The following EPB41 variants were observed in gnomAD, a reference collection of about 807,000 sequenced individuals.
The protein encoded by EPB41 is protein 4.1.
A neutral mutation model predicts 108.0 loss-of-function variants in EPB41; 65 were observed. That is an observed-to-expected ratio of 0.60 (90% CI 0.49 to 0.74). EPB41 has a LOEUF of 0.74. Ranked by LOEUF, EPB41 falls within the 30% of genes least tolerant of loss-of-function variation. EPB41 has a pLI of 0.00. For synonymous variants in EPB41, 336 were observed against 358.9 expected (o/e 0.94, Z 0.72); for missense variants, 875 against 1,037.0 (o/e 0.84, Z 2.15).
At chr1:28,941,396 A>G (rs1557748602) in intron 1 of EPB41, among the ~76,000 whole-genome samples, 2 of 152,132 alleles carry the variant, frequency 1.3e-5, no homozygotes, top group African/African-American at 2.4e-5. Flanking sequence ...TAAAAAACCA[A>G]TAATGGGGAA....
In EPB41 at chr1:28,955,934, T is replaced by C. The variant is rs2094933757; in HGVS notation, c.-7-31497T>C. ...TGTTATATAATAAACACTATAACTT[T>C]TGTGATAATTTGAGAAGAAATTCCC... On this transcript the variant is annotated intron_variant, in intron 1 of 20. Coordinates refer to ENST00000343067, the MANE Select transcript of EPB41 (RefSeq NM_001376013.1). 2.0e-5 allele frequency among the ~76,000 whole-genome samples: 3 copies of C among 152,246 alleles called. No homozygotes were observed. The South Asian group carries it at 6.2e-4, about 31-fold the overall frequency.
chr1:29,032,292 G>T (rs2096800564), intron 8 of EPB41, among the ~76,000 whole-genome samples: 1 of 152,104 alleles, frequency 6.6e-6, no homozygotes, highest in Non-Finnish European at 1.5e-5. Context: ...GATGGAGTCA[G>T]GCAGCATGTT....
intron 1 of EPB41, among the ~76,000 whole-genome samples, chr1:28,897,076 G>T (rs1365905561): frequency 1.3e-5 from 2 of 152,188 alleles, no homozygotes; most frequent in Non-Finnish European, 2.9e-5. Flanking sequence ...GCTGGACACT[G>T]GGGCAAGGCC....
intron 12 of EPB41, chr1:29,053,554 T>TTTTA (rs1004746846): frequency 3.4e-5 from 15 of 436,078 alleles, no homozygotes; most frequent in African/African-American, 3.0e-4. Flanking sequence ...CAACTATTAT[T>TTTTA]TTTATTTATT....
At chr1:28,964,566 A>C (rs566674908) in intron 1 of EPB41, among the ~76,000 whole-genome samples, 1 of 152,292 alleles carries the variant, frequency 6.6e-6, no homozygotes, top group East Asian at 1.9e-4. Flanking sequence ...GTGCCACTGC[A>C]CTCCAGCCTG....
intron 11 of EPB41, among the ~76,000 whole-genome samples, chr1:29,046,473 G>T (rs1007999676): frequency 1.3e-5 from 2 of 152,048 alleles, no homozygotes; most frequent in Non-Finnish European, 2.9e-5. Flanking sequence ...TGGATTATTT[G>T]GGGTATACAT....
chr1:29,024,339 TAAATA>T (rs1261626911), intron 7 of EPB41, among the ~76,000 whole-genome samples: 1 of 126,864 alleles, frequency 7.9e-6, no homozygotes, highest in African/African-American at 3.1e-5. Flanking sequence ...CATCTAAAAA[TAAATA>T]AATTAAAGGC....
Position 28,987,910 on chromosome 1 carries a change from G to C in EPB41, c.468+5G>C. On this transcript the variant is annotated splice_donor_5th_base_variant and intron_variant, in intron 2 of 20. Transcript: ENST00000343067. The stretch of plus-strand genomic sequence containing the variant: ...TTAAGCAGTGCAGAAACACAGGTAA[G>C]GATGTGTGGATATGGGAGGTGGGCA... 1 of 1,612,916 alleles carries C rather than the reference G, an allele frequency of 6.2e-7. No homozygotes were observed. The highest frequency in any genetic ancestry group is 8.5e-7 in the Non-Finnish European group (1 of 1,178,838).
At chr1:28,926,666 A>G (rs1484707200) in intron 1 of EPB41, among the ~76,000 whole-genome samples, 2 of 152,246 alleles carry the variant, frequency 1.3e-5, no homozygotes, top group African/African-American at 4.8e-5. Context: ...AATCTATAGA[A>G]TAACTAATAA....
At chr1:29,009,005 C>G (rs1309506453) in intron 4 of EPB41, among the ~76,000 whole-genome samples, 1 of 152,160 alleles carries the variant, frequency 6.6e-6, no homozygotes, top group Non-Finnish European at 1.5e-5. Flanking sequence ...CTCAGAATAC[C>G]CTATGCTCTA....
chr1:29,035,280 G>T lies in EPB41; in HGVS notation c.1366-546G>T, dbSNP rs549745024. 2.0e-5 allele frequency among the ~76,000 whole-genome samples: 3 copies of T among 152,174 alleles called. No homozygotes were observed. In the South Asian group the frequency reaches 6.2e-4, roughly 32 times the overall value. On this transcript the variant is annotated intron_variant, in intron 9 of 20. Coordinates refer to ENST00000343067, the MANE Select transcript of EPB41 (RefSeq NM_001376013.1). Reference sequence around the variant, plus strand: ...TTACAGGCGTAAGCCACCGTGCCTGGCAGGTATACATATTTCAAAACAACA... The same window carrying T: ...TTACAGGCGTAAGCCACCGTGCCTGTCAGGTATACATATTTCAAAACAACA...
intron 1 of EPB41, among the ~76,000 whole-genome samples, chr1:28,977,803 A>G (rs2985344): frequency 0.78 from 118,883 of 152,014 alleles, 47,105 homozygotes; most frequent in East Asian, 0.92. Flanking sequence ...ACATGACTGC[A>G]TGGCATTTGT....
chr1:29,118,961 G>C lies in EPB41; in HGVS notation c.*2149G>C, dbSNP rs886559499. 3.3e-5 allele frequency: 5 copies of C among 152,356 alleles called. No individual in the cohort carries two copies. The highest frequency in any genetic ancestry group is 1.2e-4 in the African/African-American group (5 of 41,446). 9.4% of individuals were successfully genotyped at this position (152,356 alleles called of 1,614,324 possible). ...CAGACCTGTGGAACGAAGAGGATGG[G>C]GAAAAGGCAGAGGGCACTGAGTGTC... On this transcript the variant is annotated 3_prime_UTR_variant, in exon 21 of 21. Coordinates refer to ENST00000343067, the MANE Select transcript of EPB41 (RefSeq NM_001376013.1).
At chr1:29,098,264 G>A (rs749086715) in intron 17 of EPB41, among the ~76,000 whole-genome samples, 37 of 151,720 alleles carry the variant, frequency 2.4e-4, no homozygotes, top group East Asian at 5.9e-4. Context: ...GCGCAATCTC[G>A]GCTCACTGCA....
rs2096814123 is a variant in EPB41 at position 29,033,320 on chromosome 1, T to C, written c.1365+75T>C. 12 of 1,552,496 alleles carry C rather than the reference T, an allele frequency of 7.7e-6. No individual in the cohort carries two copies. In the South Asian group the frequency reaches 1.3e-4, roughly 17 times the overall value. On this transcript the variant is annotated intron_variant, in intron 9 of 20. Transcript: ENST00000343067. The stretch of plus-strand genomic sequence containing the variant: ...GAAATATCTACATTTCCATTTTCCT[T>C]ATTAAGTCATCTGAGAAGTCTCTCT...
chr1:29,087,524 G>A (rs892074533), intron 16 of EPB41, among the ~76,000 whole-genome samples: 2 of 152,020 alleles, frequency 1.3e-5, no homozygotes, highest in African/African-American at 4.8e-5. Flanking sequence ...CACCACACCT[G>A]GCTAATTTTG....
At chr1:28,951,078 G>T (rs564369132) in intron 1 of EPB41, among the ~76,000 whole-genome samples, 5 of 151,854 alleles carry the variant, frequency 3.3e-5, no homozygotes, top group Non-Finnish European at 7.4e-5. Flanking sequence ...CAGGTGATCC[G>T]CCTGCCTCAG....
intron 11 of EPB41, among the ~76,000 whole-genome samples, chr1:29,045,180 A>G (rs1319291430): frequency 6.6e-6 from 1 of 152,164 alleles, no homozygotes; most frequent in African/African-American, 2.4e-5. Flanking sequence ...TATATGGATC[A>G]GTTTGGAGAT....
intron 17 of EPB41, among the ~76,000 whole-genome samples, chr1:29,103,208 G>A (rs993562295): frequency 3.3e-5 from 5 of 152,040 alleles, no homozygotes; most frequent in South Asian, 2.1e-4. Flanking sequence ...CGCACCCTGC[G>A]CCCCCAAAAT....
Sources: allele counts gnomAD v4.1 joint callset (sites outside exome capture counted in the v4.1 genomes callset), GRCh38; gene constraint gnomAD v4.1.1; transcripts MANE v1.5; gene names NCBI Gene and HGNC (gene_info 2026-07-23, HGNC 2026-07-21).